TENM4: variants seen among roughly 807,000 people sequenced by gnomAD.
TENM4 encodes the protein teneurin-4.
In TENM4, 82 loss-of-function variants were observed where a neutral mutation model predicts 243.3. That is an observed-to-expected ratio of 0.34 (90% CI 0.28 to 0.40). The LOEUF (loss-of-function observed/expected upper bound fraction) is 0.40. Ranked by LOEUF, TENM4 falls within the 10% of genes least tolerant of loss-of-function variation. TENM4 has a pLI of 1.00. For synonymous variants in TENM4, 1,412 were observed against 1,456.3 expected, an observed-to-expected ratio of 0.97 and a Z score of 0.69; for missense variants, 3,138 against 3,673.3, an observed-to-expected ratio of 0.85 and a Z score of 3.77.
At chr11:78,775,104 C>A (rs1856715168) in intron 17 of TENM4, among the ~76,000 whole-genome samples, 1 of 152,168 alleles carries the variant, frequency 6.6e-6, no homozygotes, top group African/African-American at 2.4e-5. Flanking sequence ...CACTGAATAT[C>A]AATATATTAA....
At chr11:79,404,397 T>G (rs1654276771) in intron 1 of TENM4, among the ~76,000 whole-genome samples, 1 of 152,074 alleles carries the variant, frequency 6.6e-6, no homozygotes, top group African/African-American at 2.4e-5. Context: ...GCAGAGAAAT[T>G]TAAAAGCCAA....
At position 78,854,032 on chromosome 11, in the gene TENM4, C is replaced by G; in HGVS notation, c.1681+72G>C. ...TGACATCCCCTTGTCAGTGTCAGTC[C>G]CAGAATCTCCATGCAGCCTCCGACC... On this transcript the variant is annotated intron_variant, in intron 12 of 33. Transcript: ENST00000278550. 4 of 1,428,578 alleles carry G rather than the reference C, an allele frequency of 2.8e-6. No homozygotes were observed. In the South Asian group the frequency reaches 5.5e-5, roughly 20 times the overall value. 88.5% of individuals were successfully genotyped at this position (1,428,578 alleles called of 1,614,324 possible). A position where few individuals can be genotyped will look rare whatever the true frequency, so the allele number is the denominator to read the frequency against.
chr11:78,878,034 CGCCTCT>C (rs1289902793), intron 9 of TENM4, among the ~76,000 whole-genome samples: 1 of 152,172 alleles, frequency 6.6e-6, no homozygotes, highest in Non-Finnish European at 1.5e-5. Context: ...TTTCAGCAGC[CGCCTCT>C]GGCTTTGTCT....
At chr11:78,847,998 T>C (rs1858441548) in intron 12 of TENM4, among the ~76,000 whole-genome samples, 1 of 152,126 alleles carries the variant, frequency 6.6e-6, no homozygotes, top group African/African-American at 2.4e-5. Flanking sequence ...AAGGACCCAA[T>C]TTTGGTGACT....
At chr11:79,253,365 C>A (rs1365325804) in intron 2 of TENM4, among the ~76,000 whole-genome samples, 2 of 152,172 alleles carry the variant, frequency 1.3e-5, no homozygotes, top group Admixed American at 1.3e-4. Flanking sequence ...GCCGGGAAAA[C>A]AAATCCCCTT....
chr11:79,424,888 C>T (rs540715857), intron 1 of TENM4, among the ~76,000 whole-genome samples: 1 of 151,604 alleles, frequency 6.6e-6, no homozygotes, highest in South Asian at 2.1e-4. Flanking sequence ...GAGCCGAGAT[C>T]ACACCACTGC....
intron 6 of TENM4, among the ~76,000 whole-genome samples, chr11:78,909,043 C>G (rs1856124484): frequency 6.6e-6 from 1 of 152,084 alleles, no homozygotes; most frequent in Admixed American, 6.5e-5. Flanking sequence ...CTATGAGCCT[C>G]TAGTCATTCA....
intron 1 of TENM4, among the ~76,000 whole-genome samples, chr11:79,415,426 T>C (rs960697499): frequency 2.0e-5 from 3 of 152,212 alleles, no homozygotes; most frequent in Non-Finnish European, 1.5e-5. Flanking sequence ...ATGCTATCAT[T>C]ATAGACAAGC....
chr11:78,873,850 T>C (rs1057382113), intron 9 of TENM4, among the ~76,000 whole-genome samples: 3 of 152,096 alleles, frequency 2.0e-5, no homozygotes, highest in Admixed American at 6.5e-5. Flanking sequence ...TCTCTGTCTC[T>C]TGAGCCTGCC....
At chr11:79,113,925 C>A (rs1163765100) in intron 4 of TENM4, among the ~76,000 whole-genome samples, 3 of 152,160 alleles carry the variant, frequency 2.0e-5, no homozygotes, top group Non-Finnish European at 4.4e-5. Flanking sequence ...CATGACCAGA[C>A]CTTGAGACTC....
At chr11:78,995,487 T>C (rs1403729971) in intron 6 of TENM4, among the ~76,000 whole-genome samples, 1 of 152,114 alleles carries the variant, frequency 6.6e-6, no homozygotes, top group African/African-American at 2.4e-5. Context: ...CTACCAGGAA[T>C]TTGAAGGACC....
chr11:79,317,049 T>C (rs1856814272), intron 1 of TENM4, among the ~76,000 whole-genome samples: 1 of 152,230 alleles, frequency 6.6e-6, no homozygotes, highest in South Asian at 2.1e-4. Context: ...TGATTCTGCC[T>C]AGGAAATTGG....
Position 79,064,878 on chromosome 11 carries a change from TCCATGTCGGCATCA to T in TENM4, c.339_352del (p.Asp114GlyfsTer2). On this transcript the variant is annotated frameshift_variant, in exon 6 of 34. Coordinates refer to ENST00000278550, the MANE Select transcript of TENM4 (RefSeq NM_001098816.3). LOFTEE classifies it high-confidence loss of function. Reference sequence around the variant, plus strand: ...CTCAGGGGACAGCACCGTGTCAGCCTCCATGTCGGCATCAGAGCCAGCCCCCATGGAGTAGCCGC... The same window carrying T: ...CTCAGGGGACAGCACCGTGTCAGCCTGAGCCAGCCCCCATGGAGTAGCCGC... 6.5e-7 allele frequency: 1 copy of T among 1,550,172 alleles called. No individual in the cohort carries two copies. Among genetic ancestry groups the T allele is most frequent in the Admixed American group, 2.0e-5 (1 of 50,924 alleles).
intron 1 of TENM4, among the ~76,000 whole-genome samples, chr11:79,381,754 G>C (rs1795029001): frequency 6.6e-6 from 1 of 151,982 alleles, no homozygotes; most frequent in Admixed American, 6.6e-5. Context: ...ACAGCCATAT[G>C]AAGTCAGTAC....
At chr11:79,356,716 A>G (rs1857502825) in intron 1 of TENM4, among the ~76,000 whole-genome samples, 1 of 152,014 alleles carries the variant, frequency 6.6e-6, no homozygotes, top group East Asian at 1.9e-4. Flanking sequence ...CATCATCATC[A>G]CTATTATTAG....
At position 78,805,277 on chromosome 11, in the gene TENM4, T is replaced by TGG; in HGVS notation, c.2179+14_2179+15insCC. On this transcript the variant is annotated intron_variant, in intron 15 of 33. Transcript: ENST00000278550. ...CCCCTCCCTCTACCCATGCTTCTTC[T>TGG]CCCCCTGCATTTACCGATAGAACAG... is the stretch of plus-strand genomic sequence containing the variant. The TGG allele has an allele frequency of 3.6e-6, 5 of 1,402,526 alleles. No homozygotes were observed. Among genetic ancestry groups the TGG allele is most frequent in the African/African-American group, 1.5e-5 (1 of 68,156 alleles). 86.9% of individuals were successfully genotyped at this position (1,402,526 alleles called of 1,614,324 possible).
At chr11:79,324,723 T>C (rs1856945908) in intron 1 of TENM4, among the ~76,000 whole-genome samples, 1 of 152,178 alleles carries the variant, frequency 6.6e-6, no homozygotes, top group Non-Finnish European at 1.5e-5. Context: ...TGGTTCTGTT[T>C]CCCTGGAGAA....
At chr11:79,137,764 T>G (rs1200729766) in intron 4 of TENM4, among the ~76,000 whole-genome samples, 1 of 152,188 alleles carries the variant, frequency 6.6e-6, no homozygotes, top group Non-Finnish European at 1.5e-5. Context: ...TTGTTAACTT[T>G]ATGTAATAGC....
intron 29 of TENM4, among the ~76,000 whole-genome samples, chr11:78,684,052 G>T (rs1858592756): frequency 6.6e-6 from 1 of 152,180 alleles, no homozygotes; most frequent in South Asian, 2.1e-4. Flanking sequence ...TGGCCAGAAT[G>T]TATGACTCCC....
Sources: gnomAD v4.1 joint callset for allele counts (sites outside exome capture counted in the v4.1 genomes callset) on GRCh38, gnomAD v4.1.1 for gene constraint, MANE v1.5 for transcripts, NCBI Gene and HGNC (gene_info 2026-07-23, HGNC 2026-07-21) for gene names.